SIGLECL1: variants seen among roughly 807,000 people sequenced by gnomAD.
SIGLECL1 encodes the protein SIGLEC family like 1.
Under a neutral mutation model 19.1 loss-of-function variants are expected in SIGLECL1, and 16 were observed. The observed-to-expected ratio is 0.84, with a 90% CI of 0.57 to 1.27. The LOEUF is 1.27. SIGLECL1 is among the 50% of genes most tolerant of loss of function. The pLI is 0.00. For missense variants in SIGLECL1, 210 were observed against 239.4 expected, an observed-to-expected ratio of 0.88 and a Z score of 0.81; for synonymous variants, 89 against 90.4, an observed-to-expected ratio of 0.98 and a Z score of 0.09.
intron 1 of SIGLECL1, among the ~76,000 whole-genome samples, chr19:51,257,419 A>AG (rs547212353): frequency 1.3e-5 from 2 of 151,148 alleles, no homozygotes; most frequent in African/African-American, 4.9e-5. Context: ...CAAAAAAAAA[A>AG]AAAAGAAAAG....
At position 51,265,438 on chromosome 19, in the gene SIGLECL1, G is replaced by A. The variant is rs1462440281; in HGVS notation, c.93G>A (p.Gly31=). 6 of 1,614,014 alleles carry A rather than the reference G, an allele frequency of 3.7e-6. No individual in the cohort carries two copies. In the African/African-American group the frequency reaches 4.0e-5, roughly 11 times the overall value. Residue 31 remains glycine, a synonymous_variant, in exon 3 of 6, where the codon GGG becomes GGA. Coordinates refer to ENST00000601727, the MANE Select transcript of SIGLECL1 (RefSeq NM_001385465.1). ...TGCAGTGCAGCTGTTCCTTCCATGG[G>A]ATTCCCACACCCTCTGTGCAGTGGT... ...KTLQCSCSFH[G]IPTPSVQWWM... is the part of the protein sequence containing the mutation.
intron 1 of SIGLECL1, among the ~76,000 whole-genome samples, chr19:51,254,030 G>T (rs1229440847): frequency 6.6e-6 from 1 of 152,186 alleles, no homozygotes; most frequent in Non-Finnish European, 1.5e-5. Flanking sequence ...ATTCCCAATT[G>T]ATTCACAGCA....
rs1983889846 is a variant in SIGLECL1, at chr19:51,269,294, C to T, written c.*697C>T. On this transcript the variant is annotated 3_prime_UTR_variant, in exon 6 of 6. Coordinates refer to ENST00000601727, the MANE Select transcript of SIGLECL1 (RefSeq NM_001385465.1). ...TGTTTTCTACTTTTATCACCAGCAC[C>T]CAGAATGATGCCTAAAATACAATAA... The T allele has an allele frequency of 6.6e-6, 1 of 152,076 alleles. No individual in the cohort carries two copies. The highest frequency in any genetic ancestry group is 1.5e-5 in the Non-Finnish European group (1 of 68,056). The allele number at this position is 152,076 out of a possible 1,614,324, so 9.4% of individuals were successfully genotyped here. A position where few individuals can be genotyped will look rare whatever the true frequency, so the allele number is the denominator to read the frequency against.
chr19:51,265,613 A>G lies in SIGLECL1; in HGVS notation c.268A>G (p.Asn90Asp). ...MRLLCEGKNQ[N>D]GTHALSILLM... The stretch of plus-strand genomic sequence containing the variant: ...ACTTCTCTGTGAGGGGAAGAACCAA[A>G]ACGGAACCCATGCTTTGAGCATCCT... Residue 90 changes from asparagine to aspartate, a missense_variant, in exon 3 of 6, where the codon AAC becomes GAC. By Grantham distance (23) the Asn-to-Asp change is conservative. Coordinates refer to ENST00000601727, the MANE Select transcript of SIGLECL1 (RefSeq NM_001385465.1). 1 of 1,614,080 alleles carries G rather than the reference A, an allele frequency of 6.2e-7. No homozygotes were observed.
chr19:51,260,953 AAATC>A (rs1983168633), intron 1 of SIGLECL1, among the ~76,000 whole-genome samples: 2 of 152,150 alleles, frequency 1.3e-5, no homozygotes, highest in Admixed American at 6.5e-5. Context: ...CAAGTTGTTG[AAATC>A]TTTATATATT....
upstream of SIGLECL1, among the ~76,000 whole-genome samples, chr19:51,248,185 C>CGT (rs1555743344): frequency 1.4e-4 from 22 of 151,888 alleles, no homozygotes; most frequent in East Asian, 3.5e-3. Context: ...TTCTCTGTCA[C>CGT]GTGCTGTAAG....
At chr19:51,255,107 A>C (rs2123390824) in intron 1 of SIGLECL1, among the ~76,000 whole-genome samples, 1 of 152,156 alleles carries the variant, frequency 6.6e-6, no homozygotes, top group South Asian at 2.1e-4. Flanking sequence ...TAAAAATACA[A>C]AAGTTAGCCA....
At chr19:51,250,604 G>A (rs951838383), upstream of SIGLECL1, among the ~76,000 whole-genome samples, 1 of 152,208 alleles carries the variant, frequency 6.6e-6, no homozygotes, top group Non-Finnish European at 1.5e-5. Context: ...AAGAAAGTGC[G>A]TGACGGATAA....
upstream of SIGLECL1, among the ~76,000 whole-genome samples, chr19:51,250,609 G>A (rs1204484743): frequency 2.6e-5 from 4 of 152,116 alleles, no homozygotes; most frequent in African/African-American, 9.7e-5. Flanking sequence ...AGTGCGTGAC[G>A]GATAAAGTGT....
intron 1 of SIGLECL1, among the ~76,000 whole-genome samples, chr19:51,259,327 T>C (rs10412123): frequency 0.23 from 35,166 of 152,204 alleles, 7,117 homozygotes; most frequent in African/African-American, 0.52. Flanking sequence ...TGTCCAACTA[T>C]GGAAGAGTTC....
At chr19:51,247,705 A>G (rs1314231492), upstream of SIGLECL1, among the ~76,000 whole-genome samples, 2 of 152,228 alleles carry the variant, frequency 1.3e-5, no homozygotes, top group African/African-American at 4.8e-5. Flanking sequence ...GGCGTGAGCC[A>G]CCGTGTCCGG....
At chr19:51,261,266 G>A (rs2459148) in intron 1 of SIGLECL1, among the ~76,000 whole-genome samples, 152,131 of 152,286 alleles carry the variant, frequency 1, 75,989 homozygotes, top group Middle Eastern at 1. Context: ...TTTGCTTGGT[G>A]TATGTTTTCA....
At chr19:51,263,840 G>T (rs901172509) in intron 1 of SIGLECL1, 43 bp from the exon 2 acceptor site, 1 of 466,264 alleles carries the variant, frequency 2.1e-6, no homozygotes, top group Non-Finnish European at 3.8e-6. Context: ...CTGTCCGTAC[G>T]TGCTCATGAG....
At chr19:51,247,859 G>C (rs1035499676), upstream of SIGLECL1, among the ~76,000 whole-genome samples, 6 of 152,202 alleles carry the variant, frequency 3.9e-5, no homozygotes, top group African/African-American at 1.4e-4. Flanking sequence ...GTTTAATCCT[G>C]AACGGGTCCT....
At chr19:51,264,828 T>C (rs1334971761) in intron 2 of SIGLECL1, among the ~76,000 whole-genome samples, 2 of 152,118 alleles carry the variant, frequency 1.3e-5, no homozygotes, top group Non-Finnish European at 1.5e-5. Flanking sequence ...AAGAAAGGTG[T>C]TCTGTTTATT....
intron 4 of SIGLECL1, among the ~76,000 whole-genome samples, chr19:51,266,121 G>C (rs571876760): frequency 6.6e-6 from 1 of 152,176 alleles, no homozygotes; most frequent in Non-Finnish European, 1.5e-5. Context: ...AGACCAAGAA[G>C]GGACTTGGCA....
intron 4 of SIGLECL1, among the ~76,000 whole-genome samples, chr19:51,266,262 G>A (rs1983660532): frequency 2.0e-5 from 3 of 152,122 alleles, no homozygotes; most frequent in Admixed American, 6.6e-5. Context: ...TCCAAAATCC[G>A]AAATGCTCCA....
At chr19:51,265,162 C>G (rs1435049909) in intron 2 of SIGLECL1, among the ~76,000 whole-genome samples, 4 of 152,158 alleles carry the variant, frequency 2.6e-5, no homozygotes, top group Non-Finnish European at 4.4e-5. Flanking sequence ...CTTGCCACCC[C>G]TCAAGAAGGT....
chr19:51,263,840 G>A (rs901172509), intron 1 of SIGLECL1, 43 bp from the exon 2 acceptor site: 7 of 466,146 alleles, frequency 1.5e-5, no homozygotes, highest in African/African-American at 1.0e-4. Context: ...CTGTCCGTAC[G>A]TGCTCATGAG....
Sources: allele counts gnomAD v4.1 joint callset (sites outside exome capture counted in the v4.1 genomes callset), GRCh38; gene constraint gnomAD v4.1.1; transcripts MANE v1.5; gene names NCBI Gene and HGNC (gene_info 2026-07-23, HGNC 2026-07-21).